Variants in SPO11 observed in about 807,000 individuals in gnomAD.
SPO11 encodes the protein meiotic recombination protein SPO11.
A neutral mutation model predicts 51.6 loss-of-function variants in SPO11; 49 were observed. The ratio of observed to expected loss-of-function variants is 0.95; its 90% CI spans 0.75 to 1.20. The LOEUF (loss-of-function observed/expected upper bound fraction) is 1.20, where lower values mean the gene tolerates loss of function less well. Among genes scored for constraint, SPO11 ranks in the 50% most tolerant of loss-of-function variants. The pLI is 0.00. For synonymous variants in SPO11, 176 were observed against 158.2 expected, an observed-to-expected ratio of 1.11 and a Z score of -0.84; for missense variants, 431 against 473.4, an observed-to-expected ratio of 0.91 and a Z score of 0.83.
In SPO11 at chr20:57,329,857, C is replaced by T; in HGVS notation, c.-11C>T. Reference sequence around the variant, plus strand: ...AGGGGCTTCTGGAGCTTCTGGCAGCCGTCTGCCCTCATGGCCTTTGCACCT... The same window carrying T: ...AGGGGCTTCTGGAGCTTCTGGCAGCTGTCTGCCCTCATGGCCTTTGCACCT... On this transcript the variant is annotated 5_prime_UTR_variant, in exon 1 of 13. Coordinates refer to ENST00000371263, the MANE Select transcript of SPO11 (RefSeq NM_012444.3). 5 of 1,610,496 alleles carry T rather than the reference C, an allele frequency of 3.1e-6. No individual in the cohort carries two copies. Among genetic ancestry groups the T allele is most frequent in the East Asian group, 2.2e-5 (1 of 44,828 alleles).
Position 57,330,021 on chromosome 20 carries a change from G to A in SPO11, c.131+23G>A, listed in dbSNP as rs750733758. 1.2e-5 allele frequency: 18 copies of A among 1,558,702 alleles called. 1 individual carries two copies. In the African/African-American group the frequency reaches 2.3e-4, roughly 20 times the overall value. On this transcript the variant is annotated intron_variant, in intron 1 of 12. Transcript: ENST00000371263. The stretch of plus-strand genomic sequence containing the variant: ...CAGGTACAGGAGCTGGTGCCGAGGC[G>A]CGACGCAGCCACTCTGTAGAAAAGT...
intron 1 of SPO11, among the ~76,000 whole-genome samples, chr20:57,331,167 A>G (rs1410772579): frequency 6.6e-6 from 1 of 152,214 alleles, no homozygotes; most frequent in Non-Finnish European, 1.5e-5. Context: ...CAGTCAGCTG[A>G]CAGAAAACTG....
intron 1 of SPO11, among the ~76,000 whole-genome samples, chr20:57,330,692 A>G (rs911790655): frequency 1.3e-5 from 2 of 152,246 alleles, no homozygotes; most frequent in African/African-American, 4.8e-5. Flanking sequence ...TTGGTTGAGC[A>G]AAGTTTTTCA....
chr20:57,340,181 T>G lies in SPO11; in HGVS notation c.959+3T>G. On this transcript the variant is annotated splice_donor_region_variant and intron_variant, in intron 11 of 12. Coordinates refer to ENST00000371263, the MANE Select transcript of SPO11 (RefSeq NM_012444.3). ...CTTCTCCCTTCTGATCTTAAAAGGT[T>G]AGATAGTATAGCAGAACTAGGATAT... The G allele has an allele frequency of 6.3e-7, 1 of 1,577,116 alleles. No individual in the cohort carries two copies. The highest frequency in any genetic ancestry group is 1.3e-5 in the African/African-American group (1 of 74,306).
chr20:57,342,617 A>G, intron 11 of SPO11, 112 bp from the exon 12 acceptor site: 1 of 649,748 alleles, frequency 1.5e-6, no homozygotes, highest in Middle Eastern at 4.2e-4. Context: ...ATCTGTACTA[A>G]TTTTCTTATT....
intron 7 of SPO11, 46 bp downstream of exon 7, chr20:57,335,501 T>C (rs1486621911): frequency 6.4e-7 from 1 of 1,564,040 alleles, no homozygotes; most frequent in Non-Finnish European, 8.7e-7. Flanking sequence ...GAATGTTCAT[T>C]CATTCATTAA....
At position 57,342,805 on chromosome 20, in the gene SPO11, C is replaced by G; in HGVS notation, c.1036C>G (p.Pro346Ala). Residue 346 changes from proline to alanine, a missense_variant, in exon 12 of 13, where the codon CCT becomes GCT. By Grantham distance (27) the Pro-to-Ala change is conservative. Transcript: ENST00000371263. ...QMKLDSILRR[P>A]YVTCQPFWRK... ...GAAACTTGACAGTATCCTGAGGAGACCTTATGTTACCTGCCAACCATTTTG... is the reference window on the plus strand; with the variant it reads ...GAAACTTGACAGTATCCTGAGGAGAGCTTATGTTACCTGCCAACCATTTTG... 1 of 1,612,964 alleles carries G rather than the reference C, an allele frequency of 6.2e-7. No homozygotes were observed. Among genetic ancestry groups the G allele is most frequent in the Non-Finnish European group, 8.5e-7 (1 of 1,179,396 alleles).
rs1204767743 is a variant in SPO11, at chr20:57,334,067, T to C, written c.482T>C (p.Leu161Ser). Residue 161 changes from leucine (L) to serine (S), a missense_variant, in exon 5 of 13, where the codon TTA becomes TCA. Physicochemically the swap from Leu to Ser is moderately radical, Grantham distance 145. Coordinates refer to ENST00000371263, the MANE Select transcript of SPO11 (RefSeq NM_012444.3). Reference protein sequence around the residue: ...DNIINDISCMLKVSRRSLHIL... With the variant: ...DNIINDISCMSKVSRRSLHIL... ...ATTATCAATGACATTTCTTGCATGT[T>C]AAAAGTGTCAAGGAGGAGTCTACAT... is the stretch of plus-strand genomic sequence containing the variant. 2 of 1,585,270 alleles carry C rather than the reference T, an allele frequency of 1.3e-6. No homozygotes were observed. The highest frequency in any genetic ancestry group is 1.2e-5 in the South Asian group (1 of 85,594).
At chr20:57,337,740 C>A (rs1424881691) in intron 8 of SPO11, 3 of 1,306,810 alleles carry the variant, frequency 2.3e-6, no homozygotes, top group Non-Finnish European at 3.0e-6. Context: ...TTTTCACAGT[C>A]AACACCAGTC....
chr20:57,335,687 C>G (rs1170842662), intron 7 of SPO11, 111 bp from the exon 8 acceptor site: 1 of 734,440 alleles, frequency 1.4e-6, no homozygotes, highest in Admixed American at 2.8e-5. Context: ...AAGGTACAAA[C>G]TAAAATGTTG....
intron 7 of SPO11, 85 bp from the exon 8 acceptor site, chr20:57,335,713 T>C (rs936400185): frequency 1.2e-5 from 10 of 836,806 alleles, no homozygotes; most frequent in Non-Finnish European, 1.9e-5. Flanking sequence ...ATAGCTGCTT[T>C]TGAATTATCT....
chr20:57,338,194 C>A, intron 8 of SPO11, 82 bp from the exon 9 acceptor site: 1 of 1,076,376 alleles, frequency 9.3e-7, no homozygotes, highest in Non-Finnish European at 1.4e-6. Context: ...TCCAGCCTAA[C>A]TTTTAAATTA....
rs2146107051 is a variant in SPO11, at chr20:57,343,923, G to A, written c.*463G>A. On this transcript the variant is annotated 3_prime_UTR_variant, in exon 13 of 13. Coordinates refer to ENST00000371263, the MANE Select transcript of SPO11 (RefSeq NM_012444.3). ...CATTTTCCTTTGCCTTTATACTTTA[G>A]GGGTCTTACTCCATTAATTCATTTG... The A allele has an allele frequency of 6.6e-6, 1 of 152,584 alleles. No individual in the cohort carries two copies. The highest frequency in any genetic ancestry group is 2.1e-4 in the South Asian group (1 of 4,834). 9.5% of individuals were successfully genotyped at this position (152,584 alleles called of 1,614,324 possible). A position where few individuals can be genotyped will look rare whatever the true frequency, so the allele number is the denominator to read the frequency against.
chr20:57,331,399 A>G (rs2066447891), intron 1 of SPO11, among the ~76,000 whole-genome samples: 1 of 152,270 alleles, frequency 6.6e-6, no homozygotes, highest in Admixed American at 6.5e-5. Flanking sequence ...TTTTTGGGAA[A>G]GAAATTCAAA....
At chr20:57,342,951 G>C in intron 12 of SPO11, 111 bp downstream of exon 12, 1 of 751,708 alleles carries the variant, frequency 1.3e-6, no homozygotes, top group Non-Finnish European at 2.2e-6. Flanking sequence ...TATATGACAC[G>C]ACTAACATAA....
rs953999031 is a variant in SPO11, at chr20:57,334,734, C to G, written c.511-16C>G. ...TTCGTGAAGCAGGTTTCAAATATGT[C>G]TATTATTTTTTGCAGTTATCTACAT... On this transcript the variant is annotated splice_polypyrimidine_tract_variant and intron_variant, in intron 5 of 12. Coordinates refer to ENST00000371263, the MANE Select transcript of SPO11 (RefSeq NM_012444.3). The G allele has an allele frequency of 6.2e-7, 1 of 1,604,686 alleles. No homozygotes were observed. The highest frequency in any genetic ancestry group is 8.5e-7 in the Non-Finnish European group (1 of 1,172,194).
intron 11 of SPO11, among the ~76,000 whole-genome samples, chr20:57,340,952 A>G (rs2066574226): frequency 6.6e-6 from 1 of 152,218 alleles, no homozygotes; most frequent in Non-Finnish European, 1.5e-5. Flanking sequence ...TTCATTATAG[A>G]AAAAAATATT....
At chr20:57,337,693 C>T in intron 8 of SPO11, 1 of 1,236,546 alleles carries the variant, frequency 8.1e-7, no homozygotes, top group African/African-American at 1.5e-5. Flanking sequence ...GCATAATTCC[C>T]AGTCCTTCAG....
chr20:57,337,861 G>C, intron 8 of SPO11: 1 of 701,572 alleles, frequency 1.4e-6, no homozygotes, highest in East Asian at 6.7e-5. Flanking sequence ...ACCGTTGTAT[G>C]AGCATAACCT....
Sources: allele counts gnomAD v4.1 joint callset (sites outside exome capture counted in the v4.1 genomes callset), GRCh38; gene constraint gnomAD v4.1.1; transcripts MANE v1.5; gene names NCBI Gene and HGNC (gene_info 2026-07-23, HGNC 2026-07-21).